The following NRXN3 variants were observed in gnomAD, a reference collection of about 807,000 sequenced individuals.
NRXN3 encodes the protein neurexin 3, also known as neurexin III.
In NRXN3, 32 loss-of-function variants were observed where a neutral mutation model predicts 137.6. That is an observed-to-expected ratio of 0.23 (90% confidence interval 0.18 to 0.31). The LOEUF (loss-of-function observed/expected upper bound fraction) is 0.31, where lower values mean the gene tolerates loss of function less well. Ranked by LOEUF, NRXN3 falls within the 10% of genes least tolerant of loss-of-function variation. NRXN3 has a pLI of 1.00. For missense variants in NRXN3, 1,574 were observed against 2,062.5 expected, an observed-to-expected ratio of 0.76 and a Z score of 4.59; for synonymous variants, 798 against 784.5, an observed-to-expected ratio of 1.02 and a Z score of -0.29.
chr14:79,134,313 C>A (rs2057988920), intron 15 of NRXN3, among the ~76,000 whole-genome samples: 2 of 152,122 alleles, frequency 1.3e-5, no homozygotes, highest in Admixed American at 6.5e-5. Context: ...TCTGTGTTCC[C>A]AATTCTTTAC....
chr14:79,188,742 T>G (rs938979326), intron 15 of NRXN3, among the ~76,000 whole-genome samples: 5 of 152,326 alleles, frequency 3.3e-5, no homozygotes, highest in Non-Finnish European at 5.9e-5. Flanking sequence ...GAACAGACAC[T>G]TCTCAAAAGA....
At position 78,235,609 on chromosome 14, in the gene NRXN3, AG is replaced by A. The variant is rs563687311; in HGVS notation, c.-703-6781del. Among the ~76,000 whole-genome samples, 49 of 151,736 alleles carry A rather than the reference AG, an allele frequency of 3.2e-4. No homozygotes were observed. The East Asian group carries it at 7.5e-3, about 23-fold the overall frequency. ...TTAGTTTTTAGTAAAAAAAAAAAAA[AG>A]TGTTATAGTTAAAGGTTAAAAAAAA... On this transcript the variant is annotated intron_variant, in intron 1 of 20. Coordinates refer to ENST00000335750, the MANE Select transcript of NRXN3 (RefSeq NM_001330195.2).
intron 10 of NRXN3, among the ~76,000 whole-genome samples, chr14:78,941,905 A>C (rs1308247845): frequency 6.6e-6 from 1 of 152,180 alleles, no homozygotes; most frequent in Non-Finnish European, 1.5e-5. Flanking sequence ...CTCATATTTA[A>C]AAAGCACCAC....
At chr14:78,499,035 C>T (rs533362746) in intron 4 of NRXN3, among the ~76,000 whole-genome samples, 4 of 152,186 alleles carry the variant, frequency 2.6e-5, no homozygotes, top group African/African-American at 9.6e-5. Flanking sequence ...CAGGCTACCT[C>T]ATTGGAAGTT....
At chr14:79,819,310 G>C (rs892929514) in intron 20 of NRXN3, among the ~76,000 whole-genome samples, 1 of 152,002 alleles carries the variant, frequency 6.6e-6, no homozygotes, top group Non-Finnish European at 1.5e-5. Flanking sequence ...ATTTGGCTCA[G>C]AGGTCATAGT....
chr14:78,298,239 C>T (rs948294978), intron 4 of NRXN3, among the ~76,000 whole-genome samples: 9 of 152,232 alleles, frequency 5.9e-5, no homozygotes, highest in African/African-American at 9.6e-5. Context: ...GGCCCCATGC[C>T]GGGGCTCCAG....
intron 1 of NRXN3, among the ~76,000 whole-genome samples, chr14:78,218,559 A>G (rs1566992184): frequency 1.3e-5 from 2 of 152,222 alleles, no homozygotes; most frequent in Non-Finnish European, 2.9e-5. Flanking sequence ...AATTCTCTCT[A>G]AGAACTTAAT....
chr14:78,644,961 G>A (rs1449886757), intron 4 of NRXN3, among the ~76,000 whole-genome samples, 159 bp from the exon 5 acceptor site: 1 of 152,224 alleles, frequency 6.6e-6, no homozygotes, highest in Non-Finnish European at 1.5e-5. Flanking sequence ...TTTCCCTGGT[G>A]TTTCGATATA....
intron 16 of NRXN3, among the ~76,000 whole-genome samples, chr14:79,571,749 A>G (rs1230794014): frequency 1.3e-5 from 2 of 152,162 alleles, no homozygotes; most frequent in Non-Finnish European, 2.9e-5. Flanking sequence ...GTGTGGATAG[A>G]TGATCATGTT....
intron 16 of NRXN3, among the ~76,000 whole-genome samples, chr14:79,639,394 T>C (rs2098421418): frequency 1.3e-5 from 2 of 152,180 alleles, no homozygotes; most frequent in Admixed American, 1.3e-4. Flanking sequence ...TAGACCTCAG[T>C]GTCTGTTGTT....
At chr14:79,818,345 GC>G (rs1020638725) in intron 20 of NRXN3, among the ~76,000 whole-genome samples, 21 of 152,184 alleles carry the variant, frequency 1.4e-4, no homozygotes, top group Admixed American at 2.6e-4. Flanking sequence ...GAGCCACCGC[GC>G]CCGGCCGCAC....
chr14:78,948,938 A>C (rs866232779), intron 10 of NRXN3, among the ~76,000 whole-genome samples: 1 of 152,138 alleles, frequency 6.6e-6, no homozygotes, highest in East Asian at 1.9e-4. Flanking sequence ...CCACAGCTGT[A>C]TGACCTTGAC....
chr14:79,683,927 T>C (rs993514868), intron 17 of NRXN3, among the ~76,000 whole-genome samples: 1 of 152,222 alleles, frequency 6.6e-6, no homozygotes, highest in Non-Finnish European at 1.5e-5. Context: ...TACCGTGTTT[T>C]ACTCTGTAGA....
chr14:78,838,337 C>T (rs1268588031), intron 10 of NRXN3, among the ~76,000 whole-genome samples: 2 of 152,108 alleles, frequency 1.3e-5, no homozygotes, highest in Admixed American at 6.6e-5. Context: ...GTTCTTGTAA[C>T]ATTAATTTCT....
chr14:79,280,663 T>C, intron 15 of NRXN3: 1 of 1,020,140 alleles, frequency 9.8e-7, no homozygotes, highest in Non-Finnish European at 1.4e-6. Flanking sequence ...ATGAAAAGCA[T>C]CGTATGTCCA....
chr14:79,633,642 C>G (rs2098379112), intron 16 of NRXN3, among the ~76,000 whole-genome samples: 1 of 152,178 alleles, frequency 6.6e-6, no homozygotes, highest in Admixed American at 6.5e-5. Flanking sequence ...GATTCAAGAA[C>G]TTAAGAGGAT....
intron 16 of NRXN3, among the ~76,000 whole-genome samples, chr14:79,548,932 T>C (rs1400201619): frequency 1.3e-5 from 2 of 152,132 alleles, no homozygotes; most frequent in Non-Finnish European, 2.9e-5. Flanking sequence ...TTTGACTCAG[T>C]AATCTCCTAT....
intron 10 of NRXN3, among the ~76,000 whole-genome samples, chr14:78,932,825 A>G (rs1022923172): frequency 5.3e-5 from 8 of 152,166 alleles, no homozygotes; most frequent in African/African-American, 1.9e-4. Flanking sequence ...TTATTGTTCA[A>G]TGAAGTAGAA....
At chr14:78,689,628 A>G (rs2098152562) in intron 6 of NRXN3, among the ~76,000 whole-genome samples, 1 of 152,222 alleles carries the variant, frequency 6.6e-6, no homozygotes. Context: ...TTAGTTGGCT[A>G]TAATAAACAT....
Sources: gnomAD v4.1 joint callset for allele counts (sites outside exome capture counted in the v4.1 genomes callset) on GRCh38, gnomAD v4.1.1 for gene constraint, MANE v1.5 for transcripts, NCBI Gene and HGNC (gene_info 2026-07-23, HGNC 2026-07-21) for gene names.